PIAS1: variants seen among roughly 807,000 people sequenced by gnomAD.
The protein encoded by PIAS1 is E3 SUMO-protein ligase PIAS1.
PIAS1 carries 6 observed loss-of-function variants against 71.3 expected under a neutral mutation model. The ratio of observed to expected loss-of-function variants is 0.08; its 90% CI spans 0.05 to 0.17. The LOEUF is 0.17. PIAS1 is among the 10% of genes least tolerant of loss of function. The pLI, the probability that PIAS1 is intolerant of heterozygous loss-of-function variation, is 1.00. For synonymous variants in PIAS1, 303 were observed against 292.9 expected, an observed-to-expected ratio of 1.03 and a Z score of -0.35; for missense variants, 555 against 793.6, an observed-to-expected ratio of 0.70 and a Z score of 3.61.
intron 2 of PIAS1, among the ~76,000 whole-genome samples, chr15:68,121,682 T>G (rs543731436): frequency 6.6e-6 from 1 of 152,184 alleles, no homozygotes; most frequent in Non-Finnish European, 1.5e-5. Context: ...CTTAATCTGC[T>G]CTCTGTATGA....
intron 6 of PIAS1, among the ~76,000 whole-genome samples, chr15:68,152,203 C>T (rs1450929529): frequency 6.6e-6 from 1 of 151,976 alleles, no homozygotes; most frequent in Non-Finnish European, 1.5e-5. Flanking sequence ...CCCACCTCAG[C>T]CTCCCAAAGT....
At chr15:68,166,473 T>G (rs940924379) in intron 8 of PIAS1, among the ~76,000 whole-genome samples, 1 of 152,278 alleles carries the variant, frequency 6.6e-6, no homozygotes. Context: ...TCTACCCTCT[T>G]TCTCCGAAAC....
At chr15:68,116,684 G>A (rs2141015270) in intron 2 of PIAS1, among the ~76,000 whole-genome samples, 1 of 151,694 alleles carries the variant, frequency 6.6e-6, no homozygotes, top group Admixed American at 6.6e-5. Context: ...ATTGATTTAA[G>A]ACCTTTTTTT....
chr15:68,095,097 C>G (rs1024145056), intron 2 of PIAS1, among the ~76,000 whole-genome samples: 21 of 151,982 alleles, frequency 1.4e-4, no homozygotes, highest in African/African-American at 4.8e-4. Context: ...AAGAACCACT[C>G]TATACAATTA....
At chr15:68,132,367 C>T (rs888848606) in intron 2 of PIAS1, among the ~76,000 whole-genome samples, 7 of 151,678 alleles carry the variant, frequency 4.6e-5, no homozygotes, top group African/African-American at 7.3e-5. Context: ...CTCAGCTACT[C>T]GGGAGGCTGA....
At chr15:68,124,745 A>C (rs539101914) in intron 2 of PIAS1, among the ~76,000 whole-genome samples, 15 of 152,234 alleles carry the variant, frequency 9.9e-5, no homozygotes, top group Admixed American at 2.6e-4. Flanking sequence ...CAAATAAACA[A>C]AACCCAAAAG....
At chr15:68,057,389 C>G in intron 1 of PIAS1, 1 of 362,840 alleles carries the variant, frequency 2.8e-6, no homozygotes, top group Non-Finnish European at 5.3e-6. Flanking sequence ...CTGACAGCTT[C>G]ATGAAACTCC....
chr15:68,095,245 A>G (rs930327913), intron 2 of PIAS1, among the ~76,000 whole-genome samples: 9 of 152,176 alleles, frequency 5.9e-5, no homozygotes, highest in Non-Finnish European at 1.3e-4. Context: ...ATCTAGTATA[A>G]TACTGTATAG....
intron 2 of PIAS1, among the ~76,000 whole-genome samples, chr15:68,138,450 C>G (rs1173972119): frequency 6.6e-6 from 1 of 152,162 alleles, no homozygotes; most frequent in Non-Finnish European, 1.5e-5. Context: ...ACAGTGCTGT[C>G]CAGTTCTGTC....
rs1035336414 is a variant in PIAS1 at position 68,192,058 on chromosome 15, A to G, written c.*4223A>G. 6.6e-5 allele frequency: 10 copies of G among 152,206 alleles called. No individual in the cohort carries two copies. The highest frequency in any genetic ancestry group is 6.5e-4 in the Admixed American group (10 of 15,284). 9.4% of individuals were successfully genotyped at this position (152,206 alleles called of 1,614,324 possible). A position where few individuals can be genotyped will look rare whatever the true frequency, so the allele number is the denominator to read the frequency against. On this transcript the variant is annotated 3_prime_UTR_variant, in exon 14 of 14. Coordinates refer to ENST00000249636, the MANE Select transcript of PIAS1 (RefSeq NM_016166.3). Reference sequence around the variant, plus strand: ...TAAATATAGACATAGAAAAGCTTTGACGGAAAGTACCCTCATTTATTATAT... The same window carrying G: ...TAAATATAGACATAGAAAAGCTTTGGCGGAAAGTACCCTCATTTATTATAT...
chr15:68,069,803 C>CAA lies in PIAS1; in HGVS notation c.24+15471_24+15472dup, dbSNP rs56693841. 1.5e-4 allele frequency among the ~76,000 whole-genome samples: 15 copies of CAA among 101,434 alleles called. 1 individual carries two copies. The highest frequency in any genetic ancestry group is 6.2e-4 in the Admixed American group (6 of 9,702). 66.5% of individuals were successfully genotyped at this position (101,434 alleles called of 152,430 possible). A position where few individuals can be genotyped will look rare whatever the true frequency, so the allele number is the denominator to read the frequency against. On this transcript the variant is annotated intron_variant, in intron 1 of 13. Transcript: ENST00000249636. ...TGGGTGACAGAGCAAGACTCCGTCT[C>CAA]AAAAAAAAAAAAAAAAAAAGAAATT...
rs2093119462 is a variant in PIAS1 at position 68,191,404 on chromosome 15, T to C, written c.*3569T>C. ...GCATTGGAAAAAAATTGTTTACCTA[T>C]TGAATGTTACCTGTTTATGTAGAGC... is the stretch of plus-strand genomic sequence containing the variant. On this transcript the variant is annotated 3_prime_UTR_variant, in exon 14 of 14. Transcript: ENST00000249636. 6.5e-6 allele frequency: 1 copy of C among 152,676 alleles called. No homozygotes were observed. Among genetic ancestry groups the C allele is most frequent in the Non-Finnish European group, 1.5e-5 (1 of 68,048 alleles). 9.5% of individuals were successfully genotyped at this position (152,676 alleles called of 1,614,324 possible).
At chr15:68,084,205 T>C (rs564823319) in intron 1 of PIAS1, among the ~76,000 whole-genome samples, 6 of 152,298 alleles carry the variant, frequency 3.9e-5, no homozygotes, top group African/African-American at 1.4e-4. Context: ...GTTTTTGATT[T>C]AGGAGAATGG....
rs990410046 is a variant in PIAS1 at position 68,166,762 on chromosome 15, T to G, written c.1008+1958T>G. Among the ~76,000 whole-genome samples, 5 of 152,242 alleles carry G rather than the reference T, an allele frequency of 3.3e-5. No homozygotes were observed. The South Asian group carries it at 1.0e-3, about 31-fold the overall frequency. On this transcript the variant is annotated intron_variant, in intron 8 of 13. Transcript: ENST00000249636. The stretch of plus-strand genomic sequence containing the variant: ...TATTTGTGGAACTGTGTTTCAATTC[T>G]GTAGTGCAGGTGCTCATCTCTGTAT...
intron 2 of PIAS1, among the ~76,000 whole-genome samples, chr15:68,127,376 T>C (rs537621753): frequency 3.9e-5 from 6 of 152,214 alleles, no homozygotes; most frequent in Admixed American, 1.3e-4. Flanking sequence ...GGGGATCTGA[T>C]AACTTCATAA....
chr15:68,090,508 C>G lies in PIAS1; in HGVS notation c.469+3758C>G, dbSNP rs938284602. On this transcript the variant is annotated intron_variant, in intron 2 of 13. Coordinates refer to ENST00000249636, the MANE Select transcript of PIAS1 (RefSeq NM_016166.3). Reference sequence around the variant, plus strand: ...TTCTGAGGCATTTATCTATAAATCCCTATAATAGCTAGATATGAACCTGTT... The same window carrying G: ...TTCTGAGGCATTTATCTATAAATCCGTATAATAGCTAGATATGAACCTGTT... 1.2e-4 allele frequency among the ~76,000 whole-genome samples: 18 copies of G among 150,256 alleles called. 1 individual carries two copies. The highest frequency in any genetic ancestry group is 4.4e-4 in the African/African-American group (18 of 41,282).
intron 7 of PIAS1, among the ~76,000 whole-genome samples, chr15:68,164,343 T>G (rs1220972721): frequency 6.6e-6 from 1 of 152,114 alleles, no homozygotes; most frequent in East Asian, 1.9e-4. Context: ...TCCTCGAAAG[T>G]AGAAGAGCCC....
chr15:68,156,846 G>C (rs1053058720), intron 7 of PIAS1, among the ~76,000 whole-genome samples: 1 of 152,108 alleles, frequency 6.6e-6, no homozygotes, highest in African/African-American at 2.4e-5. Context: ...TTAAGCAGAG[G>C]AGTAAATGAC....
chr15:68,116,687 CT>C (rs961926153), intron 2 of PIAS1, among the ~76,000 whole-genome samples: 10 of 151,546 alleles, frequency 6.6e-5, no homozygotes, highest in South Asian at 2.1e-4. Context: ...GATTTAAGAC[CT>C]TTTTTTTCTA....
Sources: allele counts gnomAD v4.1 joint callset (sites outside exome capture counted in the v4.1 genomes callset), GRCh38; gene constraint gnomAD v4.1.1; transcripts MANE v1.5; gene names NCBI Gene and HGNC (gene_info 2026-07-23, HGNC 2026-07-21).